SVEP1: variants seen among roughly 807,000 people sequenced by gnomAD.
SVEP1 encodes the protein sushi, von Willebrand factor type A, EGF and pentraxin domain containing 1.
In SVEP1, 164 loss-of-function variants were observed where a neutral mutation model predicts 367.3. The ratio of observed to expected loss-of-function variants is 0.45; its 90% CI spans 0.39 to 0.51. The LOEUF (loss-of-function observed/expected upper bound fraction) is 0.51, where lower values mean the gene tolerates loss of function less well. SVEP1 is among the 20% of genes least tolerant of loss of function. The pLI is 0.00. For synonymous variants in SVEP1, 1,666 were observed against 1,611.6 expected (o/e 1.03, Z -0.81); for missense variants, 4,117 against 4,425.3 (o/e 0.93, Z 1.98).
At chr9:110,493,860 C>T (rs926360295) in intron 8 of SVEP1, among the ~76,000 whole-genome samples, 1 of 152,128 alleles carries the variant, frequency 6.6e-6, no homozygotes, top group Non-Finnish European at 1.5e-5. Flanking sequence ...GGGCTGAGTT[C>T]CTTTCTGGAG....
intron 14 of SVEP1, among the ~76,000 whole-genome samples, chr9:110,473,664 T>C (rs1403731451): frequency 6.6e-6 from 1 of 152,228 alleles, no homozygotes. Flanking sequence ...TAGAATATCC[T>C]TGCACATACG....
chr9:110,574,466 C>T (rs1030592279), intron 1 of SVEP1, among the ~76,000 whole-genome samples: 3 of 152,194 alleles, frequency 2.0e-5, no homozygotes, highest in Non-Finnish European at 4.4e-5. Flanking sequence ...CAAACGATCT[C>T]ATTTCCATGA....
At chr9:110,416,081 G>T (rs985599948) in intron 36 of SVEP1, among the ~76,000 whole-genome samples, 1 of 151,728 alleles carries the variant, frequency 6.6e-6, no homozygotes, top group African/African-American at 2.4e-5. Flanking sequence ...GAAAATAAGG[G>T]GTTACCATAG....
At chr9:110,508,891 C>T (rs1037352179) in intron 5 of SVEP1, among the ~76,000 whole-genome samples, 4 of 151,926 alleles carry the variant, frequency 2.6e-5, no homozygotes, top group African/African-American at 4.8e-5. Flanking sequence ...TAGTCAACAT[C>T]CACAAAAACA....
Position 110,496,727 on chromosome 9 carries a change from T to C in SVEP1, c.1800+88A>G. ...GAGAACCCTAATACAAGTATTACCA[T>C]GAGCATATTAGTAAGTCTTCAACAC... On this transcript the variant is annotated intron_variant, in intron 8 of 47. Transcript: ENST00000374469. 4.5e-6 allele frequency: 4 copies of C among 898,644 alleles called. No individual in the cohort carries two copies. The South Asian group carries it at 6.5e-5, about 15-fold the overall frequency. The allele number at this position is 898,644 out of a possible 1,614,324, so 55.7% of individuals were successfully genotyped here.
intron 26 of SVEP1, among the ~76,000 whole-genome samples, chr9:110,444,261 T>C (rs1055000822): frequency 6.6e-6 from 1 of 152,190 alleles, no homozygotes; most frequent in Admixed American, 6.5e-5. Context: ...AGGTGGAGTC[T>C]TTGGGAAGTG....
At chr9:110,425,880 A>AAT (rs1332041806) in intron 36 of SVEP1, among the ~76,000 whole-genome samples, 2 of 152,222 alleles carry the variant, frequency 1.3e-5, no homozygotes, top group Non-Finnish European at 2.9e-5. Flanking sequence ...GTCTTTGGGT[A>AAT]ATAAAATCAT....
intron 3 of SVEP1, among the ~76,000 whole-genome samples, chr9:110,524,501 A>C (rs951384224): frequency 1.6e-4 from 24 of 152,172 alleles, no homozygotes; most frequent in Admixed American, 5.9e-4. Context: ...AGGCTGGTTC[A>C]ATATTTGGAA....
At chr9:110,462,590 AT>A (rs1828873703) in intron 18 of SVEP1, among the ~76,000 whole-genome samples, 1 of 150,948 alleles carries the variant, frequency 6.6e-6, no homozygotes, top group African/African-American at 2.4e-5. Flanking sequence ...TAAATACGCA[AT>A]TCCTAATGAA....
intron 43 of SVEP1, among the ~76,000 whole-genome samples, chr9:110,382,058 G>T (rs182335073): frequency 6.6e-6 from 1 of 151,460 alleles, no homozygotes; most frequent in Non-Finnish European, 1.5e-5. Flanking sequence ...CTTTTAAGTG[G>T]GGCATTTAGC....
chr9:110,369,946 A>T lies in SVEP1; in HGVS notation c.10671T>A (p.Ser3557=), dbSNP rs777231521. 2 of 1,613,304 alleles carry T rather than the reference A, an allele frequency of 1.2e-6. No homozygotes were observed. Among genetic ancestry groups the T allele is most frequent in the Non-Finnish European group, 1.7e-6 (2 of 1,179,538 alleles). ...ACCTGGAACAGTTATGTCCCGTCCA[A>T]GAAGAAAGACAGTGACATCGGTTTG... ...VRPNRCHCLS[S]WTGHNCSRKR... Residue 3557 remains serine, a synonymous_variant, in exon 47 of 48, where the codon TCT becomes TCA. Transcript: ENST00000374469.
intron 3 of SVEP1, among the ~76,000 whole-genome samples, chr9:110,519,115 C>T (rs1029043780): frequency 6.6e-6 from 1 of 152,156 alleles, no homozygotes; most frequent in African/African-American, 2.4e-5. Flanking sequence ...CAATTTACTT[C>T]ATTTCTCTGT....
rs760295878 is a variant in SVEP1, at chr9:110,370,034, T to C, written c.10601-18A>G. On this transcript the variant is annotated intron_variant, in intron 46 of 47. Transcript: ENST00000374469. ...GCAAACAGCTGGAATAAAAAACCCATGCATTTATTTAATTAATACTTAGCA... is the reference window on the plus strand; with the variant it reads ...GCAAACAGCTGGAATAAAAAACCCACGCATTTATTTAATTAATACTTAGCA... 1 of 1,603,762 alleles carries C rather than the reference T, an allele frequency of 6.2e-7. No individual in the cohort carries two copies. Among genetic ancestry groups the C allele is most frequent in the South Asian group, 1.1e-5 (1 of 90,104 alleles).
chr9:110,398,537 T>C (rs375795111), intron 40 of SVEP1, among the ~76,000 whole-genome samples: 9 of 151,780 alleles, frequency 5.9e-5, no homozygotes, highest in East Asian at 3.9e-4. Context: ...AAAGAAACTA[T>C]CATTAGAGTG....
intron 5 of SVEP1, among the ~76,000 whole-genome samples, chr9:110,505,534 T>C (rs550595450): frequency 6.6e-5 from 10 of 152,344 alleles, no homozygotes; most frequent in Non-Finnish European, 1.3e-4. Context: ...AATTATATTG[T>C]CTTCTGTAAC....
At position 110,458,520 on chromosome 9, in the gene SVEP1, G is replaced by T; in HGVS notation, c.3527C>A (p.Pro1176His). The T allele has an allele frequency of 6.2e-7, 1 of 1,612,886 alleles. No individual in the cohort carries two copies. Among genetic ancestry groups the T allele is most frequent in the Non-Finnish European group, 8.5e-7 (1 of 1,179,578 alleles). ...TFSAAEESVV[P>H]PASLGHIKKR... The stretch of plus-strand genomic sequence containing the variant: ...TTTAATATGTCCAAGAGAGGCAGGG[G>T]GCACCACACTTTCCTCTGCCGCTGA... Residue 1176 changes from proline (P) to histidine (H), a missense_variant, in exon 20 of 48, where the codon CCC becomes CAC. By Grantham distance (77) the Pro-to-His change is moderately conservative. Coordinates refer to ENST00000374469, the MANE Select transcript of SVEP1 (RefSeq NM_153366.4).
intron 36 of SVEP1, among the ~76,000 whole-genome samples, chr9:110,423,521 A>G (rs7031072): frequency 0.22 from 33,820 of 152,154 alleles, 4,305 homozygotes; most frequent in East Asian, 0.37. Context: ...GAGTGCTGAC[A>G]GAAGTTAATG....
In SVEP1 at chr9:110,472,213, T is replaced by C. The variant is rs775270410; in HGVS notation, c.2710A>G (p.Lys904Glu). ...SIGNAKSSRI[K>E]RSAPLSDYKI... ...TAGTCAGATAATGGGGCACTTCTTT[T>C]AATCCGTGAGGACTTGGCATTGCCG... Residue 904 changes from lysine (K) to glutamate (E), a missense_variant, in exon 15 of 48, where the codon AAA becomes GAA. Coordinates refer to ENST00000374469, the MANE Select transcript of SVEP1 (RefSeq NM_153366.4). The C allele has an allele frequency of 3.1e-6, 5 of 1,613,690 alleles. No individual in the cohort carries two copies. In the South Asian group the frequency reaches 3.3e-5, roughly 11 times the overall value.
chr9:110,496,059 G>T (rs1293759212), intron 8 of SVEP1, among the ~76,000 whole-genome samples: 1 of 152,178 alleles, frequency 6.6e-6, no homozygotes, highest in African/African-American at 2.4e-5. Context: ...TCCATAGAAT[G>T]AAAAGTTTCT....
Sources: gnomAD v4.1 joint callset for allele counts (sites outside exome capture counted in the v4.1 genomes callset) on GRCh38, gnomAD v4.1.1 for gene constraint, MANE v1.5 for transcripts, NCBI Gene and HGNC (gene_info 2026-07-23, HGNC 2026-07-21) for gene names.